Variants in LIN7A observed in about 807,000 individuals in gnomAD.
The protein encoded by LIN7A is protein lin-7 homolog A.
Under a neutral mutation model 29.8 loss-of-function variants are expected in LIN7A, and 25 were observed. The observed-to-expected ratio is 0.84, with a 90% CI of 0.61 to 1.17. The LOEUF (loss-of-function observed/expected upper bound fraction) is 1.17. Ranked by LOEUF, LIN7A falls within the 50% of genes most tolerant of loss-of-function variation. The pLI is 0.00. For synonymous variants in LIN7A, 118 were observed against 107.5 expected, an observed-to-expected ratio of 1.10 and a Z score of -0.60; for missense variants, 239 against 287.0, an observed-to-expected ratio of 0.83 and a Z score of 1.21.
Position 80,845,728 on chromosome 12 carries a change from ACC to A in LIN7A, c.483_483+1del. 6.2e-7 allele frequency: 1 copy of A among 1,610,334 alleles called. No homozygotes were observed. The highest frequency in any genetic ancestry group is 8.5e-7 in the Non-Finnish European group (1 of 1,178,118). Reference sequence around the variant, plus strand: ...AAATCTCTGGTTATTTTATAAACATACCACTCCGTTCACTGATAGCAGCTGGT... The same window carrying A: ...AAATCTCTGGTTATTTTATAAACATAACTCCGTTCACTGATAGCAGCTGGT... On this transcript the variant is annotated splice_donor_variant and coding_sequence_variant, in exon 4 of 6. Transcript: ENST00000552864. LOFTEE classifies it high-confidence loss of function.
chr12:80,926,175 T>C (rs1194672897), intron 1 of LIN7A, among the ~76,000 whole-genome samples: 1 of 152,220 alleles, frequency 6.6e-6, no homozygotes, highest in East Asian at 1.9e-4. Flanking sequence ...ATTTGTTTAC[T>C]TATTTAAATA....
In LIN7A at chr12:80,937,904, T is replaced by C. The variant is rs1592967665; in HGVS notation, c.-182A>G. On this transcript the variant is annotated 5_prime_UTR_variant, in exon 1 of 6. Coordinates refer to ENST00000552864, the MANE Select transcript of LIN7A (RefSeq NM_004664.4). ...CGCGGCGGCAGATCTTCAGTTGCGG[T>C]GCGGAGCTGAGCAGGTATCCGAGAG... The C allele has an allele frequency of 2.1e-6, 1 of 465,976 alleles. No individual in the cohort carries two copies. Among genetic ancestry groups the C allele is most frequent in the African/African-American group, 2.0e-5 (1 of 49,540 alleles). 28.9% of individuals were successfully genotyped at this position (465,976 alleles called of 1,614,324 possible).
intron 4 of LIN7A, among the ~76,000 whole-genome samples, chr12:80,817,869 C>A (rs186296735): frequency 2.5e-4 from 38 of 152,050 alleles, no homozygotes; most frequent in African/African-American, 7.7e-4. Context: ...TAACTAATCC[C>A]GAAATGAAAT....
intron 1 of LIN7A, among the ~76,000 whole-genome samples, chr12:80,914,073 A>G (rs1592946499): frequency 6.6e-6 from 1 of 151,942 alleles, no homozygotes; most frequent in East Asian, 1.9e-4. Flanking sequence ...CCTTTTCCTC[A>G]TTTTCACCTC....
At chr12:80,800,525 A>G (rs886954434) in intron 5 of LIN7A, among the ~76,000 whole-genome samples, 3 of 149,778 alleles carry the variant, frequency 2.0e-5, no homozygotes, top group African/African-American at 7.4e-5. Flanking sequence ...AAAAAGACAC[A>G]ATCTGCTAAA....
chr12:80,918,827 T>C (rs912922826), intron 1 of LIN7A, among the ~76,000 whole-genome samples: 1 of 152,160 alleles, frequency 6.6e-6, no homozygotes, highest in African/African-American at 2.4e-5. Flanking sequence ...ATGGACTACA[T>C]AACATTTCAG....
At chr12:80,804,931 T>TA (rs200621319) in intron 5 of LIN7A, among the ~76,000 whole-genome samples, 2,507 of 152,252 alleles carry the variant, frequency 0.016, 70 homozygotes, top group African/African-American at 0.057. Flanking sequence ...ATTCATCTGT[T>TA]GATGGACACT....
At chr12:80,879,603 A>T (rs1465382010) in intron 2 of LIN7A, among the ~76,000 whole-genome samples, 1 of 124,236 alleles carries the variant, frequency 8.0e-6, no homozygotes, top group Non-Finnish European at 1.6e-5. Flanking sequence ...ACTCTGGAAC[A>T]CTTTGCCTAT....
chr12:80,809,459 A>G (rs1402758706), intron 5 of LIN7A, among the ~76,000 whole-genome samples: 2 of 152,258 alleles, frequency 1.3e-5, no homozygotes, highest in Non-Finnish European at 2.9e-5. Flanking sequence ...GGTATCTAAC[A>G]ATATGAACTG....
chr12:80,860,158 T>C (rs942647078), intron 2 of LIN7A, among the ~76,000 whole-genome samples: 1 of 152,176 alleles, frequency 6.6e-6, no homozygotes, highest in South Asian at 2.1e-4. Context: ...GATTACTGAG[T>C]CAAAAGTATA....
At chr12:80,931,865 T>C (rs1877932143) in intron 1 of LIN7A, among the ~76,000 whole-genome samples, 2 of 152,144 alleles carry the variant, frequency 1.3e-5, no homozygotes, top group South Asian at 2.1e-4. Context: ...AGACATAAAA[T>C]ATAGTCAGCC....
Position 80,932,649 on chromosome 12 carries a change from C to A in LIN7A, c.82+4992G>T, listed in dbSNP as rs181491481. Among the ~76,000 whole-genome samples the A allele has an allele frequency of 1.1e-4, 17 of 152,218 alleles. No individual in the cohort carries two copies. The East Asian group carries it at 3.3e-3, about 29-fold the overall frequency. ...TTCATAAGCCATGAGTATTCAAGAG[C>A]CATTTGGCTTAAAAATTAAGGGAAC... On this transcript the variant is annotated intron_variant, in intron 1 of 5. Transcript: ENST00000552864.
At chr12:80,807,068 T>TTTTTGTTTTTTTTTTTTG (rs1555221338) in intron 5 of LIN7A, among the ~76,000 whole-genome samples, 6 of 84,996 alleles carry the variant, frequency 7.1e-5, no homozygotes, top group East Asian at 3.4e-4. Context: ...ATGGAGTTTT[T>TTTTTGTTTTTTTTTTTTG]TTTTTTTTTT....
At chr12:80,844,964 C>A (rs774254530) in intron 4 of LIN7A, among the ~76,000 whole-genome samples, 1 of 151,950 alleles carries the variant, frequency 6.6e-6, no homozygotes, top group Non-Finnish European at 1.5e-5. Context: ...TGAGGCCGGG[C>A]GCGATGGTTC....
intron 2 of LIN7A, among the ~76,000 whole-genome samples, chr12:80,875,430 T>C (rs1449114750): frequency 2.0e-5 from 3 of 152,176 alleles, no homozygotes; most frequent in African/African-American, 7.2e-5. Context: ...TTTTATACAC[T>C]TACTACACGA....
At chr12:80,926,775 A>C (rs910026614) in intron 1 of LIN7A, among the ~76,000 whole-genome samples, 1 of 151,932 alleles carries the variant, frequency 6.6e-6, no homozygotes, top group African/African-American at 2.4e-5. Context: ...TAAAAATACA[A>C]GAAATTAGCC....
intron 1 of LIN7A, among the ~76,000 whole-genome samples, chr12:80,905,819 T>C (rs1173854332): frequency 2.0e-5 from 3 of 152,168 alleles, no homozygotes; most frequent in Non-Finnish European, 2.9e-5. Context: ...TTTTTCCTAG[T>C]ATTTCATTTT....
chr12:80,828,442 A>G (rs1287166747), intron 4 of LIN7A, among the ~76,000 whole-genome samples: 3 of 152,184 alleles, frequency 2.0e-5, no homozygotes, highest in African/African-American at 4.8e-5. Flanking sequence ...GACATTATTA[A>G]CCAAGAAAGC....
chr12:80,870,431 A>G (rs1874367826), intron 2 of LIN7A, among the ~76,000 whole-genome samples: 1 of 152,206 alleles, frequency 6.6e-6, no homozygotes, highest in South Asian at 2.1e-4. Context: ...GTGCAAGTCC[A>G]CATGATTGGA....
Sources: allele counts gnomAD v4.1 joint callset (sites outside exome capture counted in the v4.1 genomes callset), GRCh38; gene constraint gnomAD v4.1.1; transcripts MANE v1.5; gene names NCBI Gene and HGNC (gene_info 2026-07-23, HGNC 2026-07-21).